Variants in KIF16B observed in about 807,000 individuals in gnomAD.
The protein encoded by KIF16B is kinesin family member 16B.
Under a neutral mutation model 156.3 loss-of-function variants are expected in KIF16B, and 98 were observed. The observed-to-expected ratio is 0.63, with a 90% CI of 0.53 to 0.74. The LOEUF (loss-of-function observed/expected upper bound fraction) is 0.74. Ranked by LOEUF, KIF16B falls within the 30% of genes least tolerant of loss-of-function variation. KIF16B has a pLI of 0.00. For missense variants in KIF16B, 1,421 were observed against 1,606.5 expected, an observed-to-expected ratio of 0.88 and a Z score of 1.97; for synonymous variants, 564 against 583.7, an observed-to-expected ratio of 0.97 and a Z score of 0.49.
intron 12 of KIF16B, among the ~76,000 whole-genome samples, chr20:16,447,645 C>T (rs1480208370): frequency 6.6e-6 from 1 of 152,094 alleles, no homozygotes; most frequent in Non-Finnish European, 1.5e-5. Flanking sequence ...ATGTCTACCC[C>T]AAGCTCTAAT....
intron 22 of KIF16B, chr20:16,367,291 T>C: frequency 6.2e-7 from 1 of 1,612,834 alleles, no homozygotes; most frequent in East Asian, 2.2e-5. Context: ...TTCCTGAAGG[T>C]GCTCAGGTGG....
chr20:16,309,124 T>C (rs577957269), intron 25 of KIF16B, among the ~76,000 whole-genome samples: 4 of 152,248 alleles, frequency 2.6e-5, no homozygotes, highest in Admixed American at 2.6e-4. Flanking sequence ...CTTCAAAGAT[T>C]CTATAGTTCT....
At chr20:16,434,323 G>A (rs536403826) in intron 12 of KIF16B, among the ~76,000 whole-genome samples, 2 of 152,286 alleles carry the variant, frequency 1.3e-5, no homozygotes, top group East Asian at 3.9e-4. Flanking sequence ...ACCACAGGAG[G>A]ACTCGGCTCA....
At chr20:16,275,303 C>A (rs550962708) in intron 25 of KIF16B, among the ~76,000 whole-genome samples, 1 of 152,092 alleles carries the variant, frequency 6.6e-6, no homozygotes, top group South Asian at 2.1e-4. Flanking sequence ...TGATCCACCC[C>A]CCTTGGCCTC....
chr20:16,492,826 T>C (rs2068335448), intron 12 of KIF16B, among the ~76,000 whole-genome samples: 1 of 152,168 alleles, frequency 6.6e-6, no homozygotes, highest in Admixed American at 6.5e-5. Context: ...ATTTCTTTTT[T>C]TTTCCTTAAG....
intron 12 of KIF16B, among the ~76,000 whole-genome samples, chr20:16,473,571 G>A (rs1457987053): frequency 6.6e-6 from 1 of 152,162 alleles, no homozygotes; most frequent in Non-Finnish European, 1.5e-5. Flanking sequence ...TAGGAAGGAC[G>A]CTGGACCAGG....
rs138359519 is a variant in KIF16B at position 16,367,392 on chromosome 20, C to G, written c.3498+3194G>C. The G allele has an allele frequency of 2.8e-4, 445 of 1,612,860 alleles. 2 individuals carry two copies. In the African/African-American group the frequency reaches 5.4e-3, roughly 20 times the overall value. On this transcript the variant is annotated intron_variant, in intron 22 of 25. Transcript: ENST00000354981. ...TTTTCTTTTCTGGAACAACAACACA[C>G]CTGAATTCACTTAAAGCATGGCATT... is the stretch of plus-strand genomic sequence containing the variant.
chr20:16,528,759 G>GC (rs2069642786), intron 1 of KIF16B, among the ~76,000 whole-genome samples: 1 of 151,780 alleles, frequency 6.6e-6, no homozygotes, highest in Admixed American at 6.6e-5. Context: ...AAAAAAAGTA[G>GC]CCCCCCTCAC....
intron 15 of KIF16B, 123 bp from the exon 16 acceptor site, chr20:16,406,579 G>T: frequency 2.3e-6 from 2 of 873,666 alleles, no homozygotes; most frequent in Non-Finnish European, 1.8e-6. Flanking sequence ...ATAAGGGAAA[G>T]CTTTAGTCTC....
chr20:16,542,007 C>T (rs1665107476), intron 1 of KIF16B, among the ~76,000 whole-genome samples: 1 of 152,210 alleles, frequency 6.6e-6, no homozygotes, highest in Non-Finnish European at 1.5e-5. Flanking sequence ...AAGCACGGTG[C>T]CTACTGTACC....
At chr20:16,285,622 G>C (rs2063211722) in intron 25 of KIF16B, among the ~76,000 whole-genome samples, 1 of 152,128 alleles carries the variant, frequency 6.6e-6, no homozygotes, top group South Asian at 2.1e-4. Flanking sequence ...TTTCAGACCA[G>C]CCTGGGCAAC....
intron 24 of KIF16B, among the ~76,000 whole-genome samples, chr20:16,318,832 C>A (rs1338157791): frequency 6.6e-6 from 1 of 152,102 alleles, no homozygotes; most frequent in East Asian, 1.9e-4. Context: ...AAGAAAGTAG[C>A]CCATTATTTC....
chr20:16,366,076 G>C (rs867592105), intron 22 of KIF16B, among the ~76,000 whole-genome samples: 1 of 78,212 alleles, frequency 1.3e-5, no homozygotes, highest in Admixed American at 1.2e-4. Context: ...TTGGACAGAG[G>C]GGGACAGAGA....
chr20:16,469,262 A>C (rs2146740369), intron 12 of KIF16B, among the ~76,000 whole-genome samples: 1 of 149,890 alleles, frequency 6.7e-6, no homozygotes, highest in African/African-American at 2.4e-5. Flanking sequence ...CTTAAAAAAA[A>C]AAAAAAAAAA....
chr20:16,347,525 C>T (rs2064255665), intron 23 of KIF16B, among the ~76,000 whole-genome samples: 1 of 151,426 alleles, frequency 6.6e-6, no homozygotes, highest in African/African-American at 2.4e-5. Flanking sequence ...CAAGGAAGGG[C>T]AATATAAAAG....
At chr20:16,443,635 T>C (rs1051358336) in intron 12 of KIF16B, among the ~76,000 whole-genome samples, 2 of 152,200 alleles carry the variant, frequency 1.3e-5, no homozygotes, top group African/African-American at 4.8e-5. Flanking sequence ...ATTCCTGTAA[T>C]TGATACACTG....
chr20:16,321,457 T>C (rs1433706049), intron 24 of KIF16B, among the ~76,000 whole-genome samples: 1 of 152,144 alleles, frequency 6.6e-6, no homozygotes, highest in Non-Finnish European at 1.5e-5. Context: ...AAAACTTCTC[T>C]AGTTCCTAGT....
In KIF16B at chr20:16,371,685, T is replaced by C; in HGVS notation, c.3427A>G (p.Thr1143Ala). ...CTTACCTTCATCGTGTCTGCAGATG[T>C]ACTGCAGCCTTCACTAATCACACGA... ...LHRVISEGCS[T>A]SADTMKDNEK... The change falls in exon 21 of 26, where the codon ACA (threonine) becomes GCA (alanine). Residue 1143 changes from threonine (T) to alanine (A), a missense_variant. By Grantham distance (58) the Thr-to-Ala change is moderately conservative. Transcript: ENST00000354981. The C allele has an allele frequency of 1.2e-6, 2 of 1,610,472 alleles. No homozygotes were observed.
Position 16,379,736 on chromosome 20 carries a change from T to C in KIF16B, c.2266A>G (p.Lys756Glu). Residue 756 changes from lysine to glutamate, a missense_variant, in exon 19 of 26, where the codon AAG becomes GAG. Transcript: ENST00000354981. The part of the protein sequence containing the change: ...LEKKRLEEQE[K>E]EQVMLVAHLE... ...TGGGCCACGAGCATGACCTGCTCCT[T>C]CTCCTGCTCCTCTAGTCTCTTTTTT... is the stretch of plus-strand genomic sequence containing the variant. The C allele has an allele frequency of 6.2e-7, 1 of 1,614,142 alleles. No individual in the cohort carries two copies. Among genetic ancestry groups the C allele is most frequent in the Non-Finnish European group, 8.5e-7 (1 of 1,180,028 alleles).
Sources: gnomAD v4.1 joint callset for allele counts (sites outside exome capture counted in the v4.1 genomes callset) on GRCh38, gnomAD v4.1.1 for gene constraint, MANE v1.5 for transcripts, NCBI Gene and HGNC (gene_info 2026-07-23, HGNC 2026-07-21) for gene names.